The following CNOT9 variants were observed in gnomAD, a reference collection of about 807,000 sequenced individuals.
CNOT9 encodes the protein CCR4-NOT transcription complex subunit 9, also known as RCD1 required for cell differentiation1 homolog.
Under a neutral mutation model 37.4 loss-of-function variants are expected in CNOT9, and 8 were observed. The observed-to-expected ratio is 0.21, with a 90% CI of 0.13 to 0.39. CNOT9 has a LOEUF of 0.39. CNOT9 is among the 10% of genes least tolerant of loss of function. CNOT9 has a pLI of 1.00. For missense variants in CNOT9, 154 were observed against 365.3 expected, an observed-to-expected ratio of 0.42 and a Z score of 4.71; for synonymous variants, 120 against 137.6, an observed-to-expected ratio of 0.87 and a Z score of 0.90.
intron 4 of CNOT9, among the ~76,000 whole-genome samples, chr2:218,585,007 C>G (rs1694539933): frequency 6.6e-6 from 1 of 152,114 alleles, no homozygotes; most frequent in Non-Finnish European, 1.5e-5. Flanking sequence ...GAACTTGATT[C>G]AATATATAAA....
At chr2:218,576,497 A>G (rs1300510250) in intron 1 of CNOT9, among the ~76,000 whole-genome samples, 1 of 152,206 alleles carries the variant, frequency 6.6e-6, no homozygotes, top group Non-Finnish European at 1.5e-5. Context: ...AACAATACCT[A>G]TTAAGTGCTT....
At chr2:218,586,966 A>G (rs967677185) in intron 4 of CNOT9, among the ~76,000 whole-genome samples, 5 of 152,182 alleles carry the variant, frequency 3.3e-5, no homozygotes, top group Non-Finnish European at 5.9e-5. Context: ...GTTGGAAGAC[A>G]TATACTACCT....
At chr2:218,582,400 A>G (rs73077145) in intron 2 of CNOT9, among the ~76,000 whole-genome samples, 4,324 of 152,238 alleles carry the variant, frequency 0.028, 205 homozygotes, top group African/African-American at 0.098. Context: ...CTCCACAGAA[A>G]TCTTCCTAGG....
intron 5 of CNOT9, among the ~76,000 whole-genome samples, chr2:218,590,822 TTTTG>T (rs71403053): frequency 6.6e-6 from 1 of 151,186 alleles, no homozygotes; most frequent in East Asian, 1.9e-4. Flanking sequence ...GTTGTTGTTG[TTTTG>T]TTTGTTTGTT....
chr2:218,578,201 C>CA lies in CNOT9; in HGVS notation c.25-2356dup, dbSNP rs376798786. On this transcript the variant is annotated intron_variant, in intron 1 of 7. Coordinates refer to ENST00000273064, the MANE Select transcript of CNOT9 (RefSeq NM_005444.3). ...TGAGGACCATCCCTGAAGGGAGTTA[C>CA]AAAACAGCTTTTAGCAGATTACTGT... is the stretch of plus-strand genomic sequence containing the variant. Among the ~76,000 whole-genome samples the CA allele has an allele frequency of 3.2e-3, 491 of 152,264 alleles. 1 individual carries two copies. Among genetic ancestry groups the CA allele is most frequent in the African/African-American group, 0.011 (472 of 41,548 alleles).
rs1694802356 is a variant in CNOT9, at chr2:218,592,174, T to G, written c.541-130T>G. The G allele has an allele frequency of 1.5e-6, 1 of 664,026 alleles. No individual in the cohort carries two copies. The highest frequency in any genetic ancestry group is 2.6e-5 in the East Asian group (1 of 38,474). 41.1% of individuals were successfully genotyped at this position (664,026 alleles called of 1,614,324 possible). On this transcript the variant is annotated intron_variant, in intron 5 of 7. Transcript: ENST00000273064. The surrounding 1 kb of genome is among the most constrained non-coding windows in gnomAD (Gnocchi z 4.1). ...TTGTACTATACATATATGATAAAGTTGTACATAATATACAAGGATCCCTGC... is the reference window on the plus strand; with the variant it reads ...TTGTACTATACATATATGATAAAGTGGTACATAATATACAAGGATCCCTGC...
chr2:218,584,720 T>C lies in CNOT9; in HGVS notation c.429T>C (p.Ile143=). 6.2e-7 allele frequency: 1 copy of C among 1,600,046 alleles called. No individual in the cohort carries two copies. The highest frequency in any genetic ancestry group is 8.6e-7 in the Non-Finnish European group (1 of 1,167,140). ...EYLRLTSLGV[I]GALVKTDEQE... ...TCCGGCTCACCAGCCTTGGAGTTAT[T>C]GGTAAGTTATTAGAATTGTTTTGCA... The change falls in exon 4 of 8, where the codon ATT becomes ATC. Residue 143 remains isoleucine (I), a splice_region_variant and synonymous_variant. Coordinates refer to ENST00000273064, the MANE Select transcript of CNOT9 (RefSeq NM_005444.3).
chr2:218,588,487 C>G (rs1218764895), intron 5 of CNOT9, among the ~76,000 whole-genome samples: 1 of 146,162 alleles, frequency 6.8e-6, no homozygotes, highest in Non-Finnish European at 1.5e-5. Flanking sequence ...TGGGGTTTCA[C>G]TATATTAACC....
intron 3 of CNOT9, 114 bp from the exon 4 acceptor site, chr2:218,584,498 T>TTCCTTGCTC: frequency 1.3e-6 from 1 of 786,742 alleles, no homozygotes; most frequent in Non-Finnish European, 2.3e-6. Flanking sequence ...TTCCTAAGGA[T>TTCCTTGCTC]TCCTTGCTCT....
intron 5 of CNOT9, among the ~76,000 whole-genome samples, chr2:218,590,249 A>G (rs568480109): frequency 7.2e-5 from 11 of 152,136 alleles, no homozygotes; most frequent in Non-Finnish European, 8.8e-5. Flanking sequence ...TTGTATTTTT[A>G]GTAGAGATGG....
At position 218,592,723 on chromosome 2, in the gene CNOT9, A is replaced by C; in HGVS notation, c.731+16A>C. ...ATAACCCCAGGTAAACATTTATAGG[A>C]TGTATAGGACTTTAGGGAAATACTC... On this transcript the variant is annotated intron_variant, in intron 7 of 7. Coordinates refer to ENST00000273064, the MANE Select transcript of CNOT9 (RefSeq NM_005444.3). This position sits in a 1 kb window ranked among gnomAD's most constrained non-coding sequence, Gnocchi z 4.1. The C allele has an allele frequency of 1.3e-6, 2 of 1,596,996 alleles. No individual in the cohort carries two copies. The highest frequency in any genetic ancestry group is 1.7e-6 in the Non-Finnish European group (2 of 1,164,306).
At position 218,587,648 on chromosome 2, in the gene CNOT9, C is replaced by A; in HGVS notation, c.493C>A (p.Pro165Thr). The change falls in exon 5 of 8, where the codon CCT becomes ACT. Residue 165 changes from proline to threonine, a missense_variant. Pro to Thr is a conservative substitution (Grantham distance 38). Transcript: ENST00000273064. ...INFLLTTEII[P>T]LCLRIMESGS... Reference sequence around the variant, plus strand: ...CTTTTTATTAACAACAGAAATTATCCCTTTATGTTTGCGAATTATGGAATC... The same window carrying A: ...CTTTTTATTAACAACAGAAATTATCACTTTATGTTTGCGAATTATGGAATC... 6.2e-7 allele frequency: 1 copy of A among 1,607,382 alleles called. No individual in the cohort carries two copies. Among genetic ancestry groups the A allele is most frequent in the South Asian group, 1.1e-5 (1 of 89,642 alleles).
intron 5 of CNOT9, chr2:218,589,449 C>G (rs748566894): frequency 2.0e-5 from 3 of 152,154 alleles, no homozygotes; most frequent in Non-Finnish European, 4.4e-5. Context: ...ATCCTCCCAC[C>G]TCAGCTTCAC....
chr2:218,577,788 G>A (rs982231134), intron 1 of CNOT9, among the ~76,000 whole-genome samples: 3 of 152,158 alleles, frequency 2.0e-5, no homozygotes, highest in Admixed American at 6.5e-5. Context: ...GGTGGTATCT[G>A]TATGACAAGA....
At chr2:218,569,252 T>A (rs1041590899) in intron 1 of CNOT9, among the ~76,000 whole-genome samples, 1 of 152,158 alleles carries the variant, frequency 6.6e-6, no homozygotes, top group Non-Finnish European at 1.5e-5. Flanking sequence ...ATTCATTGAT[T>A]TATTGCGCTG....
chr2:218,572,881 C>G (rs765952316), intron 1 of CNOT9, among the ~76,000 whole-genome samples: 6 of 152,156 alleles, frequency 3.9e-5, no homozygotes, highest in Non-Finnish European at 5.9e-5. Flanking sequence ...CTGCCAGATG[C>G]CTTCCTTTTT....
At chr2:218,578,250 A>G (rs1027383749) in intron 1 of CNOT9, among the ~76,000 whole-genome samples, 2 of 152,222 alleles carry the variant, frequency 1.3e-5, no homozygotes, top group Non-Finnish European at 2.9e-5. Flanking sequence ...CTTAAGCTGC[A>G]TTGTATTTCA....
At chr2:218,591,750 A>G (rs983949259) in intron 5 of CNOT9, among the ~76,000 whole-genome samples, 2 of 152,074 alleles carry the variant, frequency 1.3e-5, no homozygotes, top group Non-Finnish European at 2.9e-5. Context: ...CTAAAAAAAA[A>G]AAAAGAAAAG....
At chr2:218,582,315 A>G (rs1694416025) in intron 2 of CNOT9, among the ~76,000 whole-genome samples, 1 of 152,156 alleles carries the variant, frequency 6.6e-6, no homozygotes, top group African/African-American at 2.4e-5. Context: ...CAAAATTATA[A>G]AAATTTGAGT....
Sources: gnomAD v4.1 joint callset for allele counts (sites outside exome capture counted in the v4.1 genomes callset) on GRCh38, gnomAD v4.1.1 for gene constraint, Gnocchi (gnomAD v3.1) non-coding constraint, MANE v1.5 for transcripts, NCBI Gene and HGNC (gene_info 2026-07-23, HGNC 2026-07-21) for gene names.